The following RBFOX1 variants were observed in gnomAD, a reference collection of about 807,000 sequenced individuals.
RBFOX1 encodes RNA binding fox-1 homolog 1.
In RBFOX1, 8 loss-of-function variants were observed where a neutral mutation model predicts 57.7. The ratio of observed to expected loss-of-function variants is 0.14; its 90% CI spans 0.08 to 0.25. The LOEUF is 0.25. Among genes scored for constraint, RBFOX1 ranks in the 10% least tolerant of loss-of-function variants. The probability of loss-of-function intolerance (pLI) is 1.00; values close to 1 mark genes in which losing one functional copy is unlikely to be tolerated. For synonymous variants in RBFOX1, 326 were observed against 222.4 expected, an observed-to-expected ratio of 1.47 and a Z score of -4.15; for missense variants, 611 against 548.5, an observed-to-expected ratio of 1.11 and a Z score of -1.14.
chr16:6,091,175 G>C (rs111809610), intron 1 of RBFOX1, among the ~76,000 whole-genome samples: 2 of 152,052 alleles, frequency 1.3e-5, no homozygotes, highest in African/African-American at 4.8e-5. Flanking sequence ...CTGTAGGTTT[G>C]CACCCATTAA....
At chr16:6,245,246 T>G (rs1419970351) in intron 1 of RBFOX1, among the ~76,000 whole-genome samples, 1 of 152,166 alleles carries the variant, frequency 6.6e-6, no homozygotes, top group African/African-American at 2.4e-5. Flanking sequence ...AATGATGGCT[T>G]TAAATTTTTT....
intron 4 of RBFOX1, among the ~76,000 whole-genome samples, chr16:7,176,713 G>C (rs2152494109): frequency 6.6e-6 from 1 of 152,182 alleles, no homozygotes; most frequent in South Asian, 2.1e-4. Context: ...ATGAAACAAT[G>C]AACACAATAA....
chr16:6,982,993 T>TAAG (rs1555714585), intron 3 of RBFOX1, among the ~76,000 whole-genome samples: 3 of 79,336 alleles, frequency 3.8e-5, no homozygotes, highest in Non-Finnish European at 4.8e-5. Flanking sequence ...AGACTCTGTC[T>TAAG]AAAAAAAAAA....
intron 3 of RBFOX1, among the ~76,000 whole-genome samples, chr16:7,041,850 G>T (rs77741584): frequency 6.6e-6 from 1 of 152,004 alleles, no homozygotes. Flanking sequence ...TGTGTTAAGT[G>T]CTTTGCTTAG....
intron 3 of RBFOX1, among the ~76,000 whole-genome samples, chr16:5,697,973 C>G (rs2050902165): frequency 6.6e-6 from 1 of 152,120 alleles, no homozygotes; most frequent in African/African-American, 2.4e-5. Context: ...TATGAAATGC[C>G]TGGTCTTCAT....
At chr16:7,617,259 C>T (rs907957093) in intron 10 of RBFOX1, among the ~76,000 whole-genome samples, 12 of 152,066 alleles carry the variant, frequency 7.9e-5, no homozygotes, top group East Asian at 3.9e-4. Flanking sequence ...CTGCCATTGC[C>T]GTGTAAAAGT....
intron 1 of RBFOX1, among the ~76,000 whole-genome samples, chr16:6,076,578 C>T (rs1469049441): frequency 6.6e-6 from 1 of 152,036 alleles, no homozygotes; most frequent in Non-Finnish European, 1.5e-5. Flanking sequence ...AGTGATCCTC[C>T]CACCTCTGCC....
chr16:7,477,354 T>G (rs1389485956), intron 4 of RBFOX1, among the ~76,000 whole-genome samples: 1 of 152,136 alleles, frequency 6.6e-6, no homozygotes, highest in African/African-American at 2.4e-5. Flanking sequence ...CCTAAATCAT[T>G]GTGAGGACCT....
intron 3 of RBFOX1, among the ~76,000 whole-genome samples, chr16:6,812,084 A>T (rs1187604823): frequency 6.6e-6 from 1 of 152,056 alleles, no homozygotes; most frequent in Non-Finnish European, 1.5e-5. Context: ...GTATTATCAG[A>T]CTCCATATGA....
Position 6,625,389 on chromosome 16 carries a change from A to G in RBFOX1, c.-63-29214A>G, listed in dbSNP as rs76537226. 3.6e-3 allele frequency among the ~76,000 whole-genome samples: 545 copies of G among 152,314 alleles called. 5 individuals carry two copies. Among genetic ancestry groups the G allele is most frequent in the African/African-American group, 0.012 (519 of 41,578 alleles). On this transcript the variant is annotated intron_variant, in intron 2 of 15. Coordinates refer to ENST00000550418, the MANE Select transcript of RBFOX1 (RefSeq NM_018723.4). The stretch of plus-strand genomic sequence containing the variant: ...AACAACAATTTGAGTGAATCAGTGA[A>G]TGACTGCATAGATGGCATGTATAGG...
intron 4 of RBFOX1, among the ~76,000 whole-genome samples, chr16:5,918,934 C>G (rs1423371959): frequency 1.3e-5 from 2 of 152,114 alleles, no homozygotes; most frequent in African/African-American, 4.8e-5. Context: ...TACAGGTGCT[C>G]AAGGAAGGAA....
intron 4 of RBFOX1, among the ~76,000 whole-genome samples, chr16:7,213,452 C>A (rs970225657): frequency 6.6e-6 from 1 of 152,030 alleles, no homozygotes; most frequent in Non-Finnish European, 1.5e-5. Context: ...AAAATGTGGT[C>A]CATGAATCAG....
At chr16:6,709,243 T>C (rs562156363) in intron 3 of RBFOX1, among the ~76,000 whole-genome samples, 20 of 152,304 alleles carry the variant, frequency 1.3e-4, no homozygotes, top group Non-Finnish European at 2.1e-4. Flanking sequence ...TGCTGCAGTT[T>C]CACACGAGCG....
chr16:6,416,399 C>G (rs1045125201), intron 2 of RBFOX1, among the ~76,000 whole-genome samples: 26 of 152,260 alleles, frequency 1.7e-4, no homozygotes, highest in African/African-American at 6.0e-4. Flanking sequence ...GGGGAAATGG[C>G]CACAATGATG....
At chr16:6,940,873 G>GTA (rs1281095818) in intron 3 of RBFOX1, among the ~76,000 whole-genome samples, 1 of 139,880 alleles carries the variant, frequency 7.1e-6, no homozygotes, top group Admixed American at 7.5e-5. Flanking sequence ...GTGTGTGTGT[G>GTA]TGTGTGTGTG....
At chr16:5,389,252 A>G (rs1208385436) in intron 1 of RBFOX1, among the ~76,000 whole-genome samples, 2 of 152,216 alleles carry the variant, frequency 1.3e-5, no homozygotes, top group Non-Finnish European at 1.5e-5. Context: ...TCAAAGAATG[A>G]AGGACACAAA....
chr16:5,374,835 TA>T (rs2065945343), intron 1 of RBFOX1, among the ~76,000 whole-genome samples: 1 of 151,980 alleles, frequency 6.6e-6, no homozygotes, highest in South Asian at 2.1e-4. Flanking sequence ...ATTCTACCAA[TA>T]AAATGTTGAT....
chr16:7,337,136 C>G (rs2144834826), intron 4 of RBFOX1, among the ~76,000 whole-genome samples: 1 of 152,262 alleles, frequency 6.6e-6, no homozygotes, highest in East Asian at 1.9e-4. Context: ...AAAACCTACA[C>G]TTAGACAAAG....
intron 4 of RBFOX1, among the ~76,000 whole-genome samples, chr16:7,190,318 C>T (rs957000649): frequency 2.0e-5 from 3 of 152,160 alleles, no homozygotes; most frequent in African/African-American, 7.2e-5. Flanking sequence ...GAGATCACAC[C>T]ACCGTACTCC....
Sources: gnomAD v4.1 joint callset for allele counts (sites outside exome capture counted in the v4.1 genomes callset) on GRCh38, gnomAD v4.1.1 for gene constraint, MANE v1.5 for transcripts, NCBI Gene and HGNC (gene_info 2026-07-23, HGNC 2026-07-21) for gene names.